The following PTPRN2 variants were observed in gnomAD, a reference collection of about 807,000 sequenced individuals.
The protein encoded by PTPRN2 is protein tyrosine phosphatase receptor type N2.
In PTPRN2, 74 loss-of-function variants were observed where a neutral mutation model predicts 118.8. That is an observed-to-expected ratio of 0.62 (90% CI 0.52 to 0.76). PTPRN2 has a LOEUF of 0.76. PTPRN2 is among the 30% of genes least tolerant of loss of function. PTPRN2 has a pLI of 0.00. For synonymous variants in PTPRN2, 641 were observed against 608.0 expected, an observed-to-expected ratio of 1.05 and a Z score of -0.80; for missense variants, 1,481 against 1,394.4, an observed-to-expected ratio of 1.06 and a Z score of -0.99.
chr7:157,993,627 C>G (rs1804424083), intron 11 of PTPRN2, among the ~76,000 whole-genome samples: 1 of 152,116 alleles, frequency 6.6e-6, no homozygotes, highest in Non-Finnish European at 1.5e-5. Context: ...GTCCCTGAGT[C>G]CCCGCCCTGG....
intron 3 of PTPRN2, among the ~76,000 whole-genome samples, chr7:158,264,843 G>C (rs1797766301): frequency 6.6e-6 from 1 of 152,176 alleles, no homozygotes; most frequent in Non-Finnish European, 1.5e-5. Context: ...GGGGTCCCTG[G>C]TCCTTGCTGG....
At chr7:158,388,137 C>T (rs951012800) in intron 2 of PTPRN2, among the ~76,000 whole-genome samples, 13 of 152,082 alleles carry the variant, frequency 8.5e-5, no homozygotes, top group South Asian at 2.1e-4. Flanking sequence ...TCCCCTGTGT[C>T]GGCTTCACTC....
chr7:158,276,682 C>T (rs1799027997), intron 3 of PTPRN2, among the ~76,000 whole-genome samples: 1 of 152,214 alleles, frequency 6.6e-6, no homozygotes, highest in Non-Finnish European at 1.5e-5. Flanking sequence ...TTTCCAGGCC[C>T]ACACAGCACT....
chr7:158,153,932 C>A (rs539095683), intron 6 of PTPRN2, among the ~76,000 whole-genome samples: 64 of 152,036 alleles, frequency 4.2e-4, no homozygotes, highest in Middle Eastern at 3.4e-3. Flanking sequence ...GGTCTGCCAA[C>A]AGACTGGACA....
Position 158,299,458 on chromosome 7 carries a change from C to T in PTPRN2, c.277+17361G>A, listed in dbSNP as rs564104857. ...GACTACAGGTGCATGCCACCACATC[C>T]GGCTAATTTTTGTATTTTTAGTAGA... On this transcript the variant is annotated intron_variant, in intron 3 of 22. Transcript: ENST00000389418. Among the ~76,000 whole-genome samples the T allele has an allele frequency of 1.2e-4, 19 of 152,106 alleles. No homozygotes were observed. The South Asian group carries it at 2.9e-3, about 23-fold the overall frequency.
intron 12 of PTPRN2, among the ~76,000 whole-genome samples, chr7:157,818,868 G>A (rs1585548798): frequency 6.6e-6 from 1 of 151,974 alleles, no homozygotes; most frequent in Non-Finnish European, 1.5e-5. Flanking sequence ...AAGCTGGCCC[G>A]CCCTCCTCCA....
At chr7:158,131,691 TACAC>T (rs529340437) in intron 9 of PTPRN2, among the ~76,000 whole-genome samples, 315 of 115,990 alleles carry the variant, frequency 2.7e-3, no homozygotes, top group African/African-American at 0.011. Flanking sequence ...CACACACTCA[TACAC>T]ACATGCAAAT....
intron 2 of PTPRN2, among the ~76,000 whole-genome samples, chr7:158,383,916 C>T (rs938665861): frequency 1.3e-5 from 2 of 152,198 alleles, no homozygotes; most frequent in Non-Finnish European, 2.9e-5. Flanking sequence ...AGCCACTATG[C>T]TCCGGAAAGC....
At chr7:157,957,795 G>A (rs766879475) in intron 11 of PTPRN2, among the ~76,000 whole-genome samples, 8 of 152,104 alleles carry the variant, frequency 5.3e-5, no homozygotes, top group Non-Finnish European at 1.2e-4. Flanking sequence ...TGGTTTGATG[G>A]ATAAATTTTA....
At chr7:158,176,844 A>G (rs769200787) in intron 5 of PTPRN2, among the ~76,000 whole-genome samples, 7 of 152,230 alleles carry the variant, frequency 4.6e-5, no homozygotes, top group Non-Finnish European at 7.3e-5. Flanking sequence ...TGAATGTGGC[A>G]TCCAACATGT....
chr7:158,394,171 A>C (rs73729793), intron 2 of PTPRN2, among the ~76,000 whole-genome samples: 1 of 129,498 alleles, frequency 7.7e-6, no homozygotes, highest in Non-Finnish European at 1.6e-5. Context: ...GGACACCTGG[A>C]CCCCCTCTGT....
At chr7:158,424,887 C>T (rs1815577180) in intron 2 of PTPRN2, among the ~76,000 whole-genome samples, 1 of 152,018 alleles carries the variant, frequency 6.6e-6, no homozygotes, top group Admixed American at 6.5e-5. Context: ...GTGCTCAGCA[C>T]CCTCAAGAAG....
rs960672966 is a variant in PTPRN2, at chr7:157,619,833, G to T, written c.2344+1529C>A. ...GTGCCTCTCCCTGGCGTGGGGGGCT[G>T]TGCTGCTGGTACGGGGACAGGCGGT... On this transcript the variant is annotated intron_variant, in intron 15 of 22. Coordinates refer to ENST00000389418, the MANE Select transcript of PTPRN2 (RefSeq NM_002847.5). The surrounding 1 kb of genome is among the most constrained non-coding windows in gnomAD (Gnocchi z 5.3). Among the ~76,000 whole-genome samples, 11 of 152,208 alleles carry T rather than the reference G, an allele frequency of 7.2e-5. No individual in the cohort carries two copies. The highest frequency in any genetic ancestry group is 5.9e-4 in the Admixed American group (9 of 15,288).
intron 14 of PTPRN2, among the ~76,000 whole-genome samples, chr7:157,625,511 A>G (rs1803510422): frequency 6.6e-6 from 1 of 152,192 alleles, no homozygotes; most frequent in Non-Finnish European, 1.5e-5. Flanking sequence ...TCTCACTAAT[A>G]TGTGGGAGCT....
At chr7:158,021,782 GC>G (rs1806890969) in intron 11 of PTPRN2, among the ~76,000 whole-genome samples, 1 of 152,224 alleles carries the variant, frequency 6.6e-6, no homozygotes, top group East Asian at 1.9e-4. Flanking sequence ...TGCTGAAGCT[GC>G]CCAGGCTGTA....
intron 4 of PTPRN2, among the ~76,000 whole-genome samples, chr7:158,199,739 G>A (rs115154220): frequency 0.01 from 1,556 of 152,252 alleles, 31 homozygotes; most frequent in African/African-American, 0.035. Flanking sequence ...GGCAGATCAC[G>A]CATTCTGTCC....
At chr7:157,988,930 CTG>C (rs1331778361) in intron 11 of PTPRN2, among the ~76,000 whole-genome samples, 1 of 152,168 alleles carries the variant, frequency 6.6e-6, no homozygotes, top group Non-Finnish European at 1.5e-5. Context: ...GGGACACCCT[CTG>C]TGTCCTCATA....
chr7:158,327,331 A>T (rs1304949812), intron 2 of PTPRN2, among the ~76,000 whole-genome samples: 8 of 150,910 alleles, frequency 5.3e-5, no homozygotes, highest in South Asian at 2.1e-4. Context: ...ACATGCACAC[A>T]CGTGCTCACA....
intron 3 of PTPRN2, among the ~76,000 whole-genome samples, chr7:158,311,002 G>T (rs1248457862): frequency 1.3e-5 from 2 of 152,202 alleles, no homozygotes; most frequent in Non-Finnish European, 2.9e-5. Context: ...AGGTCGGGTA[G>T]GGGGTGGATC....
Sources: gnomAD v4.1 joint callset for allele counts (sites outside exome capture counted in the v4.1 genomes callset) on GRCh38, gnomAD v4.1.1 for gene constraint, Gnocchi (gnomAD v3.1) non-coding constraint, MANE v1.5 for transcripts, NCBI Gene and HGNC (gene_info 2026-07-23, HGNC 2026-07-21) for gene names.